The following ITGA9 variants were observed in gnomAD, a reference collection of about 807,000 sequenced individuals.
The protein encoded by ITGA9 is integrin alpha-9.
ITGA9 carries 56 observed loss-of-function variants against 127.8 expected under a neutral mutation model. The ratio of observed to expected loss-of-function variants is 0.44; its 90% CI spans 0.35 to 0.55. The LOEUF is 0.55. Among genes scored for constraint, ITGA9 ranks in the 20% least tolerant of loss-of-function variants. The probability of loss-of-function intolerance (pLI) is 0.00; values close to 1 mark genes in which losing one functional copy is unlikely to be tolerated. For synonymous variants in ITGA9, 508 were observed against 514.5 expected, an observed-to-expected ratio of 0.99 and a Z score of 0.17; for missense variants, 1,196 against 1,347.1, an observed-to-expected ratio of 0.89 and a Z score of 1.76.
At chr3:37,805,249 A>G (rs1051665447) in intron 27 of ITGA9, among the ~76,000 whole-genome samples, 2 of 151,934 alleles carry the variant, frequency 1.3e-5, no homozygotes, top group Non-Finnish European at 2.9e-5. Context: ...GGGTCTCACT[A>G]TGTTTCTCAT....
intron 15 of ITGA9, among the ~76,000 whole-genome samples, chr3:37,610,699 C>T (rs911003294): frequency 9.2e-5 from 14 of 152,306 alleles, no homozygotes; most frequent in Admixed American, 5.2e-4. Context: ...CCAAATATTA[C>T]GAGTGCAGAT....
chr3:37,621,139 T>G (rs1700124387), intron 15 of ITGA9, among the ~76,000 whole-genome samples: 1 of 152,196 alleles, frequency 6.6e-6, no homozygotes, highest in Non-Finnish European at 1.5e-5. Context: ...GGTCTGATGC[T>G]TTTATAAGGG....
At chr3:37,650,205 A>G (rs552909666) in intron 16 of ITGA9, among the ~76,000 whole-genome samples, 1 of 152,318 alleles carries the variant, frequency 6.6e-6, no homozygotes, top group South Asian at 2.1e-4. Flanking sequence ...TTTATGACCT[A>G]GTCTCAGAAG....
At chr3:37,561,854 C>G (rs1308744875) in intron 15 of ITGA9, among the ~76,000 whole-genome samples, 1 of 152,156 alleles carries the variant, frequency 6.6e-6, no homozygotes, top group East Asian at 1.9e-4. Context: ...TCCGGGGACT[C>G]ATCTCTCAGC....
At chr3:37,513,685 A>G (rs927914276) in intron 8 of ITGA9, 78 bp from the exon 9 acceptor site, 74 of 1,579,346 alleles carry the variant, frequency 4.7e-5, no homozygotes, top group Non-Finnish European at 6.2e-5. Flanking sequence ...TCTAAAGCCA[A>G]TGGGGTGGAG....
At chr3:37,768,910 A>G (rs1366605270) in intron 23 of ITGA9, among the ~76,000 whole-genome samples, 4 of 151,760 alleles carry the variant, frequency 2.6e-5, no homozygotes, top group Non-Finnish European at 5.9e-5. Context: ...TTGATTGGTG[A>G]TGCACGCATT....
Position 37,741,906 on chromosome 3 carries a change from C to G in ITGA9, c.2324+87C>G, listed in dbSNP as rs1021596878. Reference sequence around the variant, plus strand: ...TCTCATATTTGCATGTGTAGCCAGCCAGGAGCCAAGGGCTGTGCCACCTCC... The same window carrying G: ...TCTCATATTTGCATGTGTAGCCAGCGAGGAGCCAAGGGCTGTGCCACCTCC... On this transcript the variant is annotated intron_variant, in intron 21 of 27. Transcript: ENST00000264741. The G allele has an allele frequency of 1.7e-5, 19 of 1,097,438 alleles. No individual in the cohort carries two copies. In the Admixed American group the frequency reaches 3.3e-4, roughly 19 times the overall value. 68.0% of individuals were successfully genotyped at this position (1,097,438 alleles called of 1,614,324 possible).
chr3:37,738,523 G>A lies in ITGA9; in HGVS notation c.2234+1540G>A, dbSNP rs146369785. ...ACCTAGAAAATCTGAACTATATCCT[G>A]ATGGCACTGAGGAGCCACTGAAAGT... On this transcript the variant is annotated intron_variant, in intron 20 of 27. Transcript: ENST00000264741. Among the ~76,000 whole-genome samples, 206 of 152,318 alleles carry A rather than the reference G, an allele frequency of 1.4e-3. 1 individual carries two copies. The Middle Eastern group carries it at 0.041, about 30-fold the overall frequency.
chr3:37,771,605 C>T (rs995628126), intron 23 of ITGA9, among the ~76,000 whole-genome samples: 1 of 152,166 alleles, frequency 6.6e-6, no homozygotes, highest in Non-Finnish European at 1.5e-5. Flanking sequence ...CGGACATGAC[C>T]TTGGACAAGT....
intron 8 of ITGA9, among the ~76,000 whole-genome samples, chr3:37,509,168 G>T (rs918167104): frequency 4.6e-5 from 7 of 152,150 alleles, no homozygotes; most frequent in African/African-American, 1.7e-4. Flanking sequence ...TCAGGGTGCT[G>T]CCCTAAAGTT....
chr3:37,823,350 T>TCCACTGAG lies in ITGA9; in HGVS notation c.*4362_*4369dup, dbSNP rs1384292296. On this transcript the variant is annotated 3_prime_UTR_variant, in exon 28 of 28. Transcript: ENST00000264741. ...CTTTACTGATGCATCCATGTACATT[T>TCCACTGAG]CCACTGAGGAATTTTGGTGGGTGGG... is the stretch of plus-strand genomic sequence containing the variant. 1 of 152,240 alleles carries TCCACTGAG rather than the reference T, an allele frequency of 6.6e-6. No homozygotes were observed. The highest frequency in any genetic ancestry group is 2.4e-5 in the African/African-American group (1 of 41,448). 9.4% of individuals were successfully genotyped at this position (152,240 alleles called of 1,614,324 possible).
chr3:37,604,108 G>C (rs1262229730), intron 15 of ITGA9, among the ~76,000 whole-genome samples: 1 of 152,220 alleles, frequency 6.6e-6, no homozygotes, highest in Non-Finnish European at 1.5e-5. Flanking sequence ...CATCATCAAG[G>C]TTCCTCCAAC....
intron 26 of ITGA9, among the ~76,000 whole-genome samples, chr3:37,801,038 G>A (rs767534997): frequency 3.3e-4 from 50 of 152,270 alleles, no homozygotes; most frequent in South Asian, 6.2e-4. Context: ...GGTGGCATGC[G>A]CCTGTAATCC....
At position 37,597,937 on chromosome 3, in the gene ITGA9, C is replaced by T. The variant is rs766215769; in HGVS notation, c.1690-31250C>T. Among the ~76,000 whole-genome samples the T allele has an allele frequency of 1.6e-4, 24 of 152,198 alleles. No individual in the cohort carries two copies. The highest frequency in any genetic ancestry group is 2.9e-4 in the Non-Finnish European group (20 of 68,044). ...CAACAGGCCAGCCTGGGCATATTCA[C>T]GTGGAGACTGAGAAGCACGAGAAGG... On this transcript the variant is annotated intron_variant, in intron 15 of 27. Transcript: ENST00000264741. This position sits in a 1 kb window ranked among gnomAD's most constrained non-coding sequence, Gnocchi z 4.6.
At chr3:37,664,971 C>CTTT (rs34608197) in intron 17 of ITGA9, among the ~76,000 whole-genome samples, 1 of 122,548 alleles carries the variant, frequency 8.2e-6, no homozygotes, top group Non-Finnish European at 1.7e-5. Context: ...GAGTAGCTGG[C>CTTT]TTTTTTTTTT....
Position 37,471,019 on chromosome 3 carries a change from C to A in ITGA9, c.198C>A (p.Gly66=). Residue 66 remains glycine, a synonymous_variant, in exon 2 of 28, where the codon GGC becomes GGA. Coordinates refer to ENST00000264741, the MANE Select transcript of ITGA9 (RefSeq NM_002207.3). ...TCTCTTGCTGCAGGGTCCTTGTGGG[C>A]GCACCAAAGGCAGATTCCAAATACA... is the stretch of plus-strand genomic sequence containing the variant. ...FHDNTRWVLV[G]APKADSKYSP... 1 of 1,614,018 alleles carries A rather than the reference C, an allele frequency of 6.2e-7. No individual in the cohort carries two copies. Among genetic ancestry groups the A allele is most frequent in the South Asian group, 1.1e-5 (1 of 91,070 alleles).
chr3:37,672,673 A>G (rs138220483), intron 17 of ITGA9, among the ~76,000 whole-genome samples: 8 of 152,276 alleles, frequency 5.3e-5, no homozygotes, highest in African/African-American at 1.4e-4. Context: ...GGAGCATCCA[A>G]TGGGCTAGAG....
intron 25 of ITGA9, 87 bp from the exon 26 acceptor site, chr3:37,784,890 T>C: frequency 8.9e-7 from 1 of 1,128,000 alleles, no homozygotes; most frequent in Non-Finnish European, 1.3e-6. Flanking sequence ...CATGGAATCA[T>C]GGAATTTCAG....
intron 13 of ITGA9, among the ~76,000 whole-genome samples, chr3:37,527,531 C>T (rs1699105038): frequency 6.6e-6 from 1 of 152,164 alleles, no homozygotes; most frequent in Non-Finnish European, 1.5e-5. Context: ...AAGATAAGGC[C>T]TCCCTGGTTC....
Sources: gnomAD v4.1 joint callset for allele counts (sites outside exome capture counted in the v4.1 genomes callset) on GRCh38, gnomAD v4.1.1 for gene constraint, Gnocchi (gnomAD v3.1) non-coding constraint, MANE v1.5 for transcripts, NCBI Gene and HGNC (gene_info 2026-07-23, HGNC 2026-07-21) for gene names.